The following PGAP4 variants were observed in gnomAD, a reference collection of about 807,000 sequenced individuals.
PGAP4 encodes GPI-N-acetylgalactosamine transferase PGAP4.
Under a neutral mutation model 28.2 loss-of-function variants are expected in PGAP4, and 12 were observed. The ratio of observed to expected loss-of-function variants is 0.42; its 90% CI spans 0.27 to 0.69. PGAP4 has a LOEUF of 0.69. Ranked by LOEUF, PGAP4 falls within the 30% of genes least tolerant of loss-of-function variation. The pLI, the probability that PGAP4 is intolerant of heterozygous loss-of-function variation, is 0.22. For missense variants in PGAP4, 425 were observed against 513.5 expected (o/e 0.83, Z 1.67); for synonymous variants, 205 against 211.8 (o/e 0.97, Z 0.28).
At chr9:101,504,224 T>G (rs1328311973) in intron 2 of PGAP4, among the ~76,000 whole-genome samples, 1 of 142,176 alleles carries the variant, frequency 7.0e-6, no homozygotes, top group Non-Finnish European at 1.5e-5. Context: ...TTTTTTTTTT[T>G]TTTTTTTTTT....
intron 2 of PGAP4, among the ~76,000 whole-genome samples, chr9:101,522,606 C>T (rs1218598585): frequency 2.6e-5 from 4 of 152,032 alleles, no homozygotes; most frequent in Non-Finnish European, 4.4e-5. Context: ...TTATGTGAGT[C>T]GTTATGTGTA....
intron 2 of PGAP4, among the ~76,000 whole-genome samples, chr9:101,525,488 C>T (rs1294348918): frequency 2.0e-5 from 3 of 151,628 alleles, no homozygotes; most frequent in African/African-American, 4.8e-5. Flanking sequence ...GGGCAGATTG[C>T]CTGATGTCGG....
chr9:101,492,288 G>A (rs530130348), intron 2 of PGAP4, among the ~76,000 whole-genome samples: 36 of 152,054 alleles, frequency 2.4e-4, no homozygotes, highest in African/African-American at 8.4e-4. Context: ...CTGCCTCCCG[G>A]GTTCAAGCGA....
At chr9:101,518,536 G>C (rs1055116465) in intron 2 of PGAP4, among the ~76,000 whole-genome samples, 1 of 152,128 alleles carries the variant, frequency 6.6e-6, no homozygotes, top group Admixed American at 6.5e-5. Flanking sequence ...CATATGATGA[G>C]AATGTTCTCA....
intron 2 of PGAP4, among the ~76,000 whole-genome samples, chr9:101,508,007 A>T (rs189204697): frequency 3.9e-4 from 60 of 152,052 alleles, no homozygotes; most frequent in African/African-American, 1.4e-3. Flanking sequence ...TCCCAATCCT[A>T]CTTTGTTACC....
intron 2 of PGAP4, among the ~76,000 whole-genome samples, chr9:101,514,243 C>T (rs1390278281): frequency 1.3e-5 from 2 of 152,128 alleles, no homozygotes; most frequent in Admixed American, 1.3e-4. Context: ...TGTATTCAGC[C>T]TCTTTGCTGC....
Position 101,475,780 on chromosome 9 carries a change from A to C in PGAP4, c.*101T>G. ...CCCCAGTGCCTATATCTCTAACAAC[A>C]GTAAACAGTGAAATACCTGCAGGCA... On this transcript the variant is annotated 3_prime_UTR_variant, in exon 2 of 2. Coordinates refer to ENST00000374848, the MANE Select transcript of PGAP4 (RefSeq NM_032342.3). 7.7e-7 allele frequency: 1 copy of C among 1,297,062 alleles called. No homozygotes were observed. Among genetic ancestry groups the C allele is most frequent in the Non-Finnish European group, 1.1e-6 (1 of 926,608 alleles). The allele number at this position is 1,297,062 out of a possible 1,614,324, so 80.3% of individuals were successfully genotyped here. A position where few individuals can be genotyped will look rare whatever the true frequency, so the allele number is the denominator to read the frequency against.
chr9:101,499,486 G>T (rs1275894414), intron 2 of PGAP4, among the ~76,000 whole-genome samples: 2 of 152,032 alleles, frequency 1.3e-5, no homozygotes, highest in East Asian at 3.9e-4. Context: ...TTGTACTCAA[G>T]GAGGTAAAGG....
chr9:101,498,601 A>G (rs1174672168), intron 2 of PGAP4, among the ~76,000 whole-genome samples: 8 of 151,888 alleles, frequency 5.3e-5, no homozygotes, highest in Non-Finnish European at 1.0e-4. Context: ...AAGTAGGAAG[A>G]AAAAAATAGA....
Position 101,475,512 on chromosome 9 carries a change from G to T in PGAP4, c.*369C>A, listed in dbSNP as rs1485471752. On this transcript the variant is annotated 3_prime_UTR_variant, in exon 2 of 2. Coordinates refer to ENST00000374848, the MANE Select transcript of PGAP4 (RefSeq NM_032342.3). ...ACCTTTCACAAAATTCTACCCTTAAGATCCTAAAACAGTCATATCACTGTG... is the reference window on the plus strand; with the variant it reads ...ACCTTTCACAAAATTCTACCCTTAATATCCTAAAACAGTCATATCACTGTG... The T allele has an allele frequency of 4.5e-6, 1 of 220,036 alleles. No individual in the cohort carries two copies. The highest frequency in any genetic ancestry group is 1.0e-4 in the East Asian group (1 of 9,800). The allele number at this position is 220,036 out of a possible 1,614,324, so 13.6% of individuals were successfully genotyped here.
At chr9:101,501,125 A>G (rs760177491) in intron 2 of PGAP4, among the ~76,000 whole-genome samples, 2 of 151,972 alleles carry the variant, frequency 1.3e-5, no homozygotes, top group African/African-American at 2.4e-5. Flanking sequence ...AAGAAAGTCA[A>G]CCTTTTCTCT....
intron 2 of PGAP4, among the ~76,000 whole-genome samples, chr9:101,499,703 A>G (rs1328713873): frequency 1.3e-5 from 2 of 152,022 alleles, no homozygotes; most frequent in Non-Finnish European, 1.5e-5. Flanking sequence ...CTTTTGTGTT[A>G]TCAGGCATAC....
intron 2 of PGAP4, among the ~76,000 whole-genome samples, chr9:101,519,419 A>G (rs544780692): frequency 1.3e-5 from 2 of 152,176 alleles, no homozygotes; most frequent in African/African-American, 4.8e-5. Context: ...TCCCCCTCCC[A>G]AAGTGCTAGG....
chr9:101,524,965 T>A (rs1199764302), intron 2 of PGAP4, among the ~76,000 whole-genome samples: 1 of 152,202 alleles, frequency 6.6e-6, no homozygotes, highest in African/African-American at 2.4e-5. Context: ...GGAGCGGCAA[T>A]CTAGTCCTGC....
upstream of PGAP4, among the ~76,000 whole-genome samples, chr9:101,490,799 G>A (rs1826680495): frequency 6.6e-6 from 1 of 152,138 alleles, no homozygotes. Context: ...TTCCAAACCT[G>A]CTAAGTTTGT....
In PGAP4 at chr9:101,476,598, G is replaced by A. The variant is rs988906299; in HGVS notation, c.495C>T (p.Ala165=). Residue 165 remains alanine, a synonymous_variant, in exon 2 of 2, where the codon GCC becomes GCT. Coordinates refer to ENST00000374848, the MANE Select transcript of PGAP4 (RefSeq NM_032342.3). This position sits in a 1 kb window ranked among gnomAD's most constrained non-coding sequence, Gnocchi z 7.0. ...CATCCTCAGTGCCCTCATAGCGATT[G>A]GCCACAGGGACATACTTGGAGAGCA... ...AKLLSKYVPV[A]NRYEGTEDDY... is the part of the protein sequence containing the mutation. 3 of 1,614,074 alleles carry A rather than the reference G, an allele frequency of 1.9e-6. No homozygotes were observed. The Admixed American group carries it at 5.0e-5, about 27-fold the overall frequency.
chr9:101,529,769 G>C (rs927509276), intron 2 of PGAP4, among the ~76,000 whole-genome samples: 1 of 152,178 alleles, frequency 6.6e-6, no homozygotes, highest in African/African-American at 2.4e-5. Flanking sequence ...ACAAGAGGAG[G>C]GGGCTCGTTT....
Position 101,475,908 on chromosome 9 carries a change from C to G in PGAP4, c.1185G>C (p.Arg395=), listed in dbSNP as rs1826285325. ...VKHIGLFSSL[R]YNFHPSLL ...AGAGGAGACTGGGATGAAAGTTGTA[C>G]CGGAGACTGGAGAAGAGCCCGATGT... The change falls in exon 2 of 2, where the codon CGG becomes CGC. Residue 395 remains arginine, a synonymous_variant. Transcript: ENST00000374848. The G allele has an allele frequency of 1.2e-6, 2 of 1,614,112 alleles. No individual in the cohort carries two copies. The highest frequency in any genetic ancestry group is 1.7e-6 in the Non-Finnish European group (2 of 1,179,966).
upstream of PGAP4, among the ~76,000 whole-genome samples, chr9:101,491,847 A>ATT (rs1826693076): frequency 7.2e-6 from 1 of 138,602 alleles, no homozygotes; most frequent in Non-Finnish European, 1.6e-5. Context: ...ATATATATAT[A>ATT]TTCTTTTAAA....
Sources: gnomAD v4.1 joint callset for allele counts (sites outside exome capture counted in the v4.1 genomes callset) on GRCh38, gnomAD v4.1.1 for gene constraint, Gnocchi (gnomAD v3.1) non-coding constraint, MANE v1.5 for transcripts, NCBI Gene and HGNC (gene_info 2026-07-23, HGNC 2026-07-21) for gene names.